The following DNAJC11 variants were observed in gnomAD, a reference collection of about 807,000 sequenced individuals.
DNAJC11 encodes the protein dnaJ homolog subfamily C member 11.
Under a neutral mutation model 78.6 loss-of-function variants are expected in DNAJC11, and 15 were observed. The ratio of observed to expected loss-of-function variants is 0.19; its 90% CI spans 0.13 to 0.29. The LOEUF (loss-of-function observed/expected upper bound fraction) is 0.29. Among genes scored for constraint, DNAJC11 ranks in the 10% least tolerant of loss-of-function variants. The pLI is 1.00. For missense variants in DNAJC11, 547 were observed against 709.6 expected (o/e 0.77, Z 2.60); for synonymous variants, 292 against 272.1 (o/e 1.07, Z -0.72).
rs770989330 is a variant in DNAJC11 at position 6,635,639 on chromosome 1, T to G, written c.*36A>C. 4 of 1,612,112 alleles carry G rather than the reference T, an allele frequency of 2.5e-6. No individual in the cohort carries two copies. In the East Asian group the frequency reaches 8.9e-5, roughly 36 times the overall value. ...AATTTGTAGACTCCCAGGAAAAGAT[T>G]TTTTGCGGCCTTTTAAAAATCTGGT... On this transcript the variant is annotated 3_prime_UTR_variant, in exon 16 of 16. Transcript: ENST00000377577.
chr1:6,686,307 C>A (rs868024363), intron 1 of DNAJC11, among the ~76,000 whole-genome samples: 5 of 152,118 alleles, frequency 3.3e-5, no homozygotes, highest in Admixed American at 3.3e-4. Context: ...CACCAAATAA[C>A]TTAAGAATGT....
intron 1 of DNAJC11, among the ~76,000 whole-genome samples, chr1:6,694,185 C>T (rs556055196): frequency 3.3e-5 from 5 of 152,092 alleles, no homozygotes; most frequent in Admixed American, 2.6e-4. Flanking sequence ...TCCCCCTTTC[C>T]CCGGTACCCT....
chr1:6,652,774 G>A, intron 6 of DNAJC11, 55 bp downstream of exon 6: 1 of 1,609,266 alleles, frequency 6.2e-7, no homozygotes, highest in South Asian at 1.1e-5. Context: ...GAGTGTAAAT[G>A]TTCAGAAATA....
chr1:6,643,996 G>A (rs1051747315), intron 10 of DNAJC11, among the ~76,000 whole-genome samples: 12 of 150,166 alleles, frequency 8.0e-5, no homozygotes, highest in Admixed American at 7.3e-4. Context: ...TCAGCCTCCC[G>A]AGTACCTGGG....
chr1:6,692,048 G>A (rs1445670106), intron 1 of DNAJC11, among the ~76,000 whole-genome samples: 1 of 152,128 alleles, frequency 6.6e-6, no homozygotes, highest in African/African-American at 2.4e-5. Context: ...CTCATGTCCC[G>A]TTTTCCATTG....
chr1:6,676,628 CATG>C (rs1360321154), intron 3 of DNAJC11, among the ~76,000 whole-genome samples: 9 of 152,118 alleles, frequency 5.9e-5, no homozygotes, highest in African/African-American at 2.2e-4. Context: ...TGCAGTGAGC[CATG>C]ATGGCACCAA....
chr1:6,661,921 T>C (rs577449426), intron 4 of DNAJC11, among the ~76,000 whole-genome samples: 1 of 152,316 alleles, frequency 6.6e-6, no homozygotes, highest in African/African-American at 2.4e-5. Flanking sequence ...AATATTTTTA[T>C]GGTTACATGC....
intron 11 of DNAJC11, among the ~76,000 whole-genome samples, chr1:6,638,660 T>G (rs899177557): frequency 2.6e-5 from 4 of 152,138 alleles, no homozygotes; most frequent in Non-Finnish European, 5.9e-5. Flanking sequence ...TTTCAGGAGA[T>G]CCCACCAACC....
intron 1 of DNAJC11, among the ~76,000 whole-genome samples, chr1:6,687,127 A>G (rs1272372916): frequency 6.6e-6 from 1 of 152,258 alleles, no homozygotes; most frequent in Non-Finnish European, 1.5e-5. Context: ...ACACCAAGAC[A>G]GCATGGGTGC....
chr1:6,680,401 CT>C lies in DNAJC11; in HGVS notation c.202+506del, dbSNP rs760188704. 1.6e-4 allele frequency among the ~76,000 whole-genome samples: 24 copies of C among 152,252 alleles called. No homozygotes were observed. Among genetic ancestry groups the C allele is most frequent in the South Asian group, 4.1e-4 (2 of 4,826 alleles). On this transcript the variant is annotated intron_variant, in intron 2 of 15. Coordinates refer to ENST00000377577, the MANE Select transcript of DNAJC11 (RefSeq NM_018198.4). This position sits in a 1 kb window ranked among gnomAD's most constrained non-coding sequence, Gnocchi z 4.0. The stretch of plus-strand genomic sequence containing the variant: ...ATAAACAAATATATCACAGAATGTT[CT>C]TTCTGACATACATAAGACATAAGTA...
At chr1:6,689,360 A>G (rs1642705327) in intron 1 of DNAJC11, among the ~76,000 whole-genome samples, 1 of 152,206 alleles carries the variant, frequency 6.6e-6, no homozygotes, top group African/African-American at 2.4e-5. Flanking sequence ...TGAAATGGAA[A>G]AGAATCAATG....
At chr1:6,648,195 G>A (rs933707963) in intron 7 of DNAJC11, among the ~76,000 whole-genome samples, 1 of 151,874 alleles carries the variant, frequency 6.6e-6, no homozygotes, top group Admixed American at 6.6e-5. Flanking sequence ...CGGCTCTGTC[G>A]CCCAGGCTGG....
At chr1:6,652,587 G>A (rs878896562) in intron 6 of DNAJC11, among the ~76,000 whole-genome samples, 2 of 152,076 alleles carry the variant, frequency 1.3e-5, no homozygotes, top group East Asian at 1.9e-4. Flanking sequence ...TTACAGGCAG[G>A]TGCCACCATG....
chr1:6,647,604 G>A (rs1030170843), intron 7 of DNAJC11, among the ~76,000 whole-genome samples: 2 of 152,048 alleles, frequency 1.3e-5, no homozygotes, highest in Admixed American at 1.3e-4. Context: ...TGGATCACAA[G>A]GTCAAGTGAT....
At chr1:6,683,445 A>G (rs1642586470) in intron 1 of DNAJC11, among the ~76,000 whole-genome samples, 1 of 152,198 alleles carries the variant, frequency 6.6e-6, no homozygotes, top group Non-Finnish European at 1.5e-5. Context: ...AGTGCTTCAC[A>G]CAGTGCCCAA....
At chr1:6,665,856 C>T (rs970373569) in intron 4 of DNAJC11, among the ~76,000 whole-genome samples, 2 of 149,568 alleles carry the variant, frequency 1.3e-5, no homozygotes, top group African/African-American at 5.1e-5. Context: ...GCACCCCCAC[C>T]TCCCCCATCC....
chr1:6,641,400 T>TACAC (rs1186339726), intron 10 of DNAJC11, among the ~76,000 whole-genome samples: 12 of 146,332 alleles, frequency 8.2e-5, no homozygotes, highest in African/African-American at 3.0e-4. Flanking sequence ...AATATATATA[T>TACAC]ATATATACAC....
intron 10 of DNAJC11, among the ~76,000 whole-genome samples, chr1:6,643,780 G>A (rs1641921791): frequency 6.6e-6 from 1 of 152,174 alleles, no homozygotes. Flanking sequence ...GTGACATCAG[G>A]CGAGGCTGCT....
In DNAJC11 at chr1:6,700,335, C is replaced by T. The variant is rs536006244; in HGVS notation, c.72+1394G>A. On this transcript the variant is annotated intron_variant, in intron 1 of 15. Coordinates refer to ENST00000377577, the MANE Select transcript of DNAJC11 (RefSeq NM_018198.4). ...ACTCTCTTTTCGGACTCAGCCCATACGCACCCAGGTGATTAAAAAGGTTTA... is the reference window on the plus strand; with the variant it reads ...ACTCTCTTTTCGGACTCAGCCCATATGCACCCAGGTGATTAAAAAGGTTTA... 3.3e-5 allele frequency among the ~76,000 whole-genome samples: 5 copies of T among 152,198 alleles called. No homozygotes were observed. In the South Asian group the frequency reaches 6.2e-4, roughly 19 times the overall value.
Sources: gnomAD v4.1 joint callset for allele counts (sites outside exome capture counted in the v4.1 genomes callset) on GRCh38, gnomAD v4.1.1 for gene constraint, Gnocchi (gnomAD v3.1) non-coding constraint, MANE v1.5 for transcripts, NCBI Gene and HGNC (gene_info 2026-07-23, HGNC 2026-07-21) for gene names.